POLE3: variants seen among roughly 807,000 people sequenced by gnomAD.
POLE3 encodes the protein DNA polymerase epsilon subunit 3.
Under a neutral mutation model 16.1 loss-of-function variants are expected in POLE3, and 10 were observed. That is an observed-to-expected ratio of 0.62 (90% confidence interval 0.38 to 1.05). POLE3 has a LOEUF of 1.05. POLE3 is among the 50% of genes least tolerant of loss of function. The pLI is 0.01. For synonymous variants in POLE3, 83 were observed against 71.0 expected, an observed-to-expected ratio of 1.17 and a Z score of -0.85; for missense variants, 169 against 185.0, an observed-to-expected ratio of 0.91 and a Z score of 0.50.
At position 113,408,720 on chromosome 9, in the gene POLE3, A is replaced by G; in HGVS notation, c.*91T>C. ...TTTTCAGGCACTTTTGCCTGAGACT[A>G]CTCTGCCCAGCATGGAAAAGCTTCA... On this transcript the variant is annotated 3_prime_UTR_variant, in exon 5 of 5. Transcript: ENST00000374171. The G allele has an allele frequency of 9.2e-7, 1 of 1,081,748 alleles. No individual in the cohort carries two copies. Among genetic ancestry groups the G allele is most frequent in the Non-Finnish European group, 1.4e-6 (1 of 727,606 alleles). 67.0% of individuals were successfully genotyped at this position (1,081,748 alleles called of 1,614,324 possible).
At position 113,410,311 on chromosome 9, in the gene POLE3, A is replaced by C; in HGVS notation, c.-18T>G. The C allele has an allele frequency of 6.2e-7, 1 of 1,610,698 alleles. No homozygotes were observed. The highest frequency in any genetic ancestry group is 8.5e-7 in the Non-Finnish European group (1 of 1,178,600). On this transcript the variant is annotated 5_prime_UTR_variant, in exon 2 of 5. Coordinates refer to ENST00000374171, the MANE Select transcript of POLE3 (RefSeq NM_017443.5). ...TCCGCCATTGCCGCCGCTGGGGCTT[A>C]AACTCCCCTTCGCCTCCGCTTCAGG...
Position 113,409,028 on chromosome 9 carries a change from G to A in POLE3, c.272-45C>T, listed in dbSNP as rs200677257. 2.3e-3 allele frequency: 3,577 copies of A among 1,572,702 alleles called. 12 individuals are homozygous for A. Among genetic ancestry groups the A allele is most frequent in the African/African-American group, 0.011 (819 of 73,842 alleles). The stretch of plus-strand genomic sequence containing the variant: ...GGTTAGGAGACAGAGCTGAAAGTGA[G>A]CCAGACGGACTGCAGGAGCTAATTA... On this transcript the variant is annotated intron_variant, in intron 4 of 4. Transcript: ENST00000374171.
chr9:113,410,463 C>T (rs1238993356), intron 1 of POLE3, 55 bp from the exon 2 acceptor site: 1 of 621,862 alleles, frequency 1.6e-6, no homozygotes. Context: ...CCCCCACAGC[C>T]CCGCCTCCGC....
At position 113,410,362 on chromosome 9, in the gene POLE3, G is replaced by T; in HGVS notation, c.-69C>A. 1.4e-6 allele frequency: 2 copies of T among 1,424,320 alleles called. No individual in the cohort carries two copies. The highest frequency in any genetic ancestry group is 1.9e-6 in the Non-Finnish European group (2 of 1,027,384). The allele number at this position is 1,424,320 out of a possible 1,614,324, so 88.2% of individuals were successfully genotyped here. A position where few individuals can be genotyped will look rare whatever the true frequency, so the allele number is the denominator to read the frequency against. On this transcript the variant is annotated 5_prime_UTR_variant, in exon 2 of 5. Coordinates refer to ENST00000374171, the MANE Select transcript of POLE3 (RefSeq NM_017443.5). ...GAGCTACTGCGTCCGGACTTCCCGC[G>T]TCGCTACGGTCTGACCCTGCGAGGT... is the stretch of plus-strand genomic sequence containing the variant.
chr9:113,409,117 T>G, intron 4 of POLE3, 134 bp from the exon 5 acceptor site: 1 of 716,814 alleles, frequency 1.4e-6, no homozygotes, highest in South Asian at 1.8e-5. Context: ...ATCCCAGCAC[T>G]TTGGGAGGCT....
At chr9:113,409,011 G>C (rs1459061784) in intron 4 of POLE3, 28 bp from the exon 5 acceptor site, 16 of 1,607,150 alleles carry the variant, frequency 1.0e-5, no homozygotes, top group Non-Finnish European at 1.4e-5. Context: ...GGGGTTAGGA[G>C]ACAGAGCTGA....
rs1464012272 is a variant in POLE3, at chr9:113,410,046, C to T, written c.152+9G>A. On this transcript the variant is annotated intron_variant, in intron 3 of 4. Coordinates refer to ENST00000374171, the MANE Select transcript of POLE3 (RefSeq NM_017443.5). ...CCCCGCGCCTCCCTTATGCCTCTGT[C>T]CCGCTCACCAGGATGTGGCGTACAG... 5 of 1,553,336 alleles carry T rather than the reference C, an allele frequency of 3.2e-6. No homozygotes were observed. The South Asian group carries it at 5.9e-5, about 18-fold the overall frequency.
chr9:113,409,103 T>G, intron 4 of POLE3, 120 bp from the exon 5 acceptor site: 1 of 834,240 alleles, frequency 1.2e-6, no homozygotes, highest in Non-Finnish European at 1.9e-6. Context: ...GGCTCACGCC[T>G]GTAATCCCAG....
chr9:113,409,093 G>A, intron 4 of POLE3, 110 bp from the exon 5 acceptor site: 1 of 944,994 alleles, frequency 1.1e-6, no homozygotes, highest in Non-Finnish European at 1.6e-6. Flanking sequence ...TGGGCGCGGT[G>A]GCTCACGCCT....
intron 1 of POLE3, 66 bp downstream of exon 1, chr9:113,410,551 C>G: frequency 1.7e-6 from 1 of 578,744 alleles, no homozygotes. Context: ...CCTACCGCAC[C>G]CCGCACGCCC....
intron 3 of POLE3, 54 bp from the exon 4 acceptor site, chr9:113,409,782 G>T: frequency 8.4e-7 from 1 of 1,190,732 alleles, no homozygotes. Context: ...GCGTGAGTGG[G>T]AAAAGGAGCA....
chr9:113,409,253 G>C (rs1828011484), intron 4 of POLE3, among the ~76,000 whole-genome samples: 1 of 151,640 alleles, frequency 6.6e-6, no homozygotes, highest in Non-Finnish European at 1.5e-5. Context: ...CCAGCTACTC[G>C]GGAGGCTGAG....
chr9:113,409,778 G>T, intron 3 of POLE3, 50 bp from the exon 4 acceptor site: 1 of 1,238,382 alleles, frequency 8.1e-7, no homozygotes, highest in Non-Finnish European at 1.2e-6. Context: ...TAAGGCGTGA[G>T]TGGGAAAAGG....
Position 113,409,598 on chromosome 9 carries a change from G to A in POLE3, c.271+12C>T, listed in dbSNP as rs915386632. The A allele has an allele frequency of 6.8e-7, 1 of 1,481,362 alleles. No homozygotes were observed. The allele number at this position is 1,481,362 out of a possible 1,614,324, so 91.8% of individuals were successfully genotyped here. On this transcript the variant is annotated intron_variant, in intron 4 of 4. Transcript: ENST00000374171. ...ATCTTCTATGTGGTTTAGAAGACAA[G>A]AGGCTCGTTACCTTCCAGAGCTTCT...
chr9:113,408,096 A>G lies in POLE3; in HGVS notation c.*715T>C, dbSNP rs568346547. The G allele has an allele frequency of 6.6e-6, 1 of 152,546 alleles. No individual in the cohort carries two copies. The highest frequency in any genetic ancestry group is 2.1e-4 in the South Asian group (1 of 4,828). 9.4% of individuals were successfully genotyped at this position (152,546 alleles called of 1,614,324 possible). On this transcript the variant is annotated 3_prime_UTR_variant, in exon 5 of 5. Transcript: ENST00000374171. ...TGACACTATGCCATCTGTTTTTGTAAAAGACACTGGCACCATGTTTGACTA... is the reference window on the plus strand; with the variant it reads ...TGACACTATGCCATCTGTTTTTGTAGAAGACACTGGCACCATGTTTGACTA...
At position 113,407,523 on chromosome 9, in the gene POLE3, G is replaced by T. The variant is rs925360186; in HGVS notation, c.*1288C>A. ...TTTCCCTTAAGGTTTTTTGTGAAGG[G>T]GCTTCACAAAATAATTTTTAGAAGA... is the stretch of plus-strand genomic sequence containing the variant. On this transcript the variant is annotated 3_prime_UTR_variant, in exon 5 of 5. Transcript: ENST00000374171. The T allele has an allele frequency of 1.3e-5, 2 of 152,430 alleles. No homozygotes were observed. The highest frequency in any genetic ancestry group is 6.6e-5 in the Admixed American group (1 of 15,254). 9.4% of individuals were successfully genotyped at this position (152,430 alleles called of 1,614,324 possible).
At position 113,410,153 on chromosome 9, in the gene POLE3, C is replaced by T. The variant is rs1421085667; in HGVS notation, c.67-13G>A. On this transcript the variant is annotated splice_polypyrimidine_tract_variant and intron_variant, in intron 2 of 4. Transcript: ENST00000374171. ...CACCGTCCGGGAGCTGCGAGGAGAC[C>T]GGGGGTGAGCAAAGCTGCCGTTCCA... 2.5e-6 allele frequency: 4 copies of T among 1,603,214 alleles called. No homozygotes were observed. Among genetic ancestry groups the T allele is most frequent in the Non-Finnish European group, 3.4e-6 (4 of 1,175,318 alleles).
At chr9:113,409,758 C>A in intron 3 of POLE3, 30 bp from the exon 4 acceptor site, 1 of 1,429,480 alleles carries the variant, frequency 7.0e-7, no homozygotes, top group Non-Finnish European at 9.9e-7. Flanking sequence ...GTCAGACTCC[C>A]TCTTGTTTGT....
chr9:113,409,255 G>A (rs1828011564), intron 4 of POLE3, among the ~76,000 whole-genome samples: 1 of 151,582 alleles, frequency 6.6e-6, no homozygotes, highest in African/African-American at 2.4e-5. Context: ...AGCTACTCGG[G>A]AGGCTGAGGC....
Sources: allele counts gnomAD v4.1 joint callset (sites outside exome capture counted in the v4.1 genomes callset), GRCh38; gene constraint gnomAD v4.1.1; transcripts MANE v1.5; gene names NCBI Gene and HGNC (gene_info 2026-07-23, HGNC 2026-07-21).